HDAC1: variants seen among roughly 807,000 people sequenced by gnomAD.
The protein encoded by HDAC1 is histone deacetylase 1, also known as protein deacetylase HDAC1.
In HDAC1, 18 loss-of-function variants were observed where a neutral mutation model predicts 65.5. That is an observed-to-expected ratio of 0.27 (90% confidence interval 0.19 to 0.41). HDAC1 has a LOEUF of 0.41. Among genes scored for constraint, HDAC1 ranks in the 10% least tolerant of loss-of-function variants. The pLI is 1.00. For missense variants in HDAC1, 373 were observed against 625.2 expected, an observed-to-expected ratio of 0.60 and a Z score of 4.30; for synonymous variants, 211 against 227.9, an observed-to-expected ratio of 0.93 and a Z score of 0.67.
intron 1 of HDAC1, among the ~76,000 whole-genome samples, chr1:32,293,541 G>A (rs902577675): frequency 6.6e-6 from 1 of 151,860 alleles, no homozygotes; most frequent in Non-Finnish European, 1.5e-5. Context: ...GCTGAGGCAG[G>A]CAGATCACTC....
In HDAC1 at chr1:32,330,850, C is replaced by T. The variant is rs780243739; in HGVS notation, c.921C>T (p.Asn307=). ...MLGGGGYTIR[N]VARCWTYETA... Reference sequence around the variant, plus strand: ...GAGGCGGTGGTTACACCATTCGTAACGTTGCCCGGTGCTGGACATATGAGA... The same window carrying T: ...GAGGCGGTGGTTACACCATTCGTAATGTTGCCCGGTGCTGGACATATGAGA... Residue 307 remains asparagine, a synonymous_variant, in exon 9 of 14, where the codon AAC becomes AAT. Coordinates refer to ENST00000373548, the MANE Select transcript of HDAC1 (RefSeq NM_004964.3). This position sits in a 1 kb window ranked among gnomAD's most constrained non-coding sequence, Gnocchi z 4.2. 50 of 1,613,968 alleles carry T rather than the reference C, an allele frequency of 3.1e-5. No homozygotes were observed. The highest frequency in any genetic ancestry group is 3.5e-5 in the Non-Finnish European group (41 of 1,179,992).
At chr1:32,312,485 G>T (rs918273871) in intron 2 of HDAC1, among the ~76,000 whole-genome samples, 1 of 149,068 alleles carries the variant, frequency 6.7e-6, no homozygotes, top group African/African-American at 2.5e-5. Flanking sequence ...TCAGCCTCCC[G>T]AGTAGCTGGG....
chr1:32,300,655 G>C (rs763212035), intron 1 of HDAC1, among the ~76,000 whole-genome samples: 5 of 152,198 alleles, frequency 3.3e-5, no homozygotes, highest in Non-Finnish European at 7.3e-5. Flanking sequence ...AAAGGGTTTG[G>C]AGCTTGAGGT....
At position 32,307,184 on chromosome 1, in the gene HDAC1, G is replaced by T. The variant is rs527287111; in HGVS notation, c.162+4451G>T. The stretch of plus-strand genomic sequence containing the variant: ...CATTTGAACCTGGGAGGCAGAGGTT[G>T]CAGTGAGCTGAGATCTCACCATTGC... On this transcript the variant is annotated intron_variant, in intron 2 of 13. Coordinates refer to ENST00000373548, the MANE Select transcript of HDAC1 (RefSeq NM_004964.3). Among the ~76,000 whole-genome samples the T allele has an allele frequency of 4.6e-5, 7 of 152,274 alleles. No individual in the cohort carries two copies. The East Asian group carries it at 1.3e-3, about 29-fold the overall frequency.
rs139067731 is a variant in HDAC1 at position 32,316,681 on chromosome 1, A to G, written c.179A>G (p.Asn60Ser). Residue 60 changes from asparagine (N) to serine (S), a missense_variant, in exon 3 of 14, where the codon AAT becomes AGT. Asn to Ser is a conservative substitution (Grantham distance 46). This residue lies in a region of HDAC1 where 80 missense variants were observed against 126.3 expected (regional missense o/e 0.63). Coordinates refer to ENST00000373548, the MANE Select transcript of HDAC1 (RefSeq NM_004964.3). ...KMEIYRPHKA[N>S]AEEMTKYHSD... ...GCCCTCTAGCGCCCTCACAAAGCCAATGCTGAGGAGATGACCAAGTACCAC... is the reference window on the plus strand; with the variant it reads ...GCCCTCTAGCGCCCTCACAAAGCCAGTGCTGAGGAGATGACCAAGTACCAC... The G allele has an allele frequency of 1.3e-5, 21 of 1,612,660 alleles. No homozygotes were observed. Among genetic ancestry groups the G allele is most frequent in the South Asian group, 3.3e-5 (3 of 91,058 alleles).
At chr1:32,320,705 G>T (rs1031005024) in intron 3 of HDAC1, among the ~76,000 whole-genome samples, 5 of 151,634 alleles carry the variant, frequency 3.3e-5, no homozygotes, top group Admixed American at 6.6e-5. Flanking sequence ...TTTGAGACCA[G>T]CCTGGCCAGC....
At chr1:32,323,806 G>A (rs975923188) in intron 3 of HDAC1, among the ~76,000 whole-genome samples, 23 of 152,160 alleles carry the variant, frequency 1.5e-4, no homozygotes, top group Admixed American at 1.0e-3. Flanking sequence ...CGTGTTGTAC[G>A]TGCGCAGTGA....
chr1:32,332,383 C>A, intron 12 of HDAC1, 141 bp downstream of exon 12: 1 of 778,014 alleles, frequency 1.3e-6, no homozygotes, highest in Non-Finnish European at 2.1e-6. Flanking sequence ...CAGTGGCTCC[C>A]AGAAGTGGCA....
chr1:32,295,046 T>A (rs1640749577), intron 1 of HDAC1, among the ~76,000 whole-genome samples: 1 of 152,130 alleles, frequency 6.6e-6, no homozygotes, highest in African/African-American at 2.4e-5. Context: ...AGGCATCCAG[T>A]AGGCAGTTTA....
At chr1:32,304,028 A>G (rs1640881623) in intron 2 of HDAC1, among the ~76,000 whole-genome samples, 1 of 152,196 alleles carries the variant, frequency 6.6e-6, no homozygotes, top group Non-Finnish European at 1.5e-5. Context: ...AATGAAAGAG[A>G]GATAGGAACG....
chr1:32,316,366 C>T (rs1641064385), intron 2 of HDAC1, among the ~76,000 whole-genome samples: 1 of 152,190 alleles, frequency 6.6e-6, no homozygotes, highest in African/African-American at 2.4e-5. Flanking sequence ...CTCAACTTCC[C>T]TGTGTGGTCT....
intron 3 of HDAC1, among the ~76,000 whole-genome samples, chr1:32,320,393 T>C (rs1641124307): frequency 6.6e-6 from 1 of 152,072 alleles, no homozygotes; most frequent in African/African-American, 2.4e-5. Flanking sequence ...ACCTAATATT[T>C]AGCAAGTGAA....
intron 2 of HDAC1, among the ~76,000 whole-genome samples, chr1:32,303,658 C>A (rs545739759): frequency 6.6e-6 from 1 of 151,984 alleles, no homozygotes; most frequent in Non-Finnish European, 1.5e-5. Flanking sequence ...GTAAAATCTC[C>A]TAGGTTTAAA....
intron 1 of HDAC1, among the ~76,000 whole-genome samples, chr1:32,296,705 G>C (rs1275133151): frequency 6.6e-6 from 1 of 152,176 alleles, no homozygotes; most frequent in Admixed American, 6.6e-5. Context: ...AGGGAAGCTT[G>C]TGTGAGGTAG....
At chr1:32,300,597 C>A (rs1372695277) in intron 1 of HDAC1, among the ~76,000 whole-genome samples, 3 of 151,826 alleles carry the variant, frequency 2.0e-5, no homozygotes, top group Admixed American at 6.6e-5. Context: ...TAATGAAGTG[C>A]TGTATACAAA....
At position 32,331,761 on chromosome 1, in the gene HDAC1, G is replaced by T; in HGVS notation, c.1174G>T (p.Glu392Ter). 1 of 1,614,054 alleles carries T rather than the reference G, an allele frequency of 6.2e-7. No homozygotes were observed. The highest frequency in any genetic ancestry group is 1.3e-5 in the African/African-American group (1 of 75,008). Residue 392 changes from glutamate to a stop codon, truncating the protein, a stop_gained, in exon 11 of 14, where the codon GAG becomes TAG. Transcript: ENST00000373548. LOFTEE classifies it high-confidence loss of function. The surrounding 1 kb of genome is among the most constrained non-coding windows in gnomAD (Gnocchi z 4.2). ...GATTCCTGAGGACGCCATCCCTGAG[G>T]AGAGTGGCGATGAGGACGAAGACGA... ...QAIPEDAIPE[E>*]SGDEDEDDPD... is the part of the protein sequence containing the mutation.
At chr1:32,300,484 G>C (rs1291684750) in intron 1 of HDAC1, among the ~76,000 whole-genome samples, 1 of 151,932 alleles carries the variant, frequency 6.6e-6, no homozygotes, top group East Asian at 1.9e-4. Flanking sequence ...GAACCTGGGA[G>C]GCAGAGGTTG....
rs773477997 is a variant in HDAC1 at position 32,329,122 on chromosome 1, G to A, written c.691G>A (p.Gly231Arg). 4 of 1,613,054 alleles carry A rather than the reference G, an allele frequency of 2.5e-6. No individual in the cohort carries two copies. Among genetic ancestry groups the A allele is most frequent in the Admixed American group, 1.7e-5 (1 of 60,022 alleles). Reference sequence around the variant, plus strand: ...TGCTGTTAACTACCCGCTCCGAGACGGGATTGATGACGAGTCCTATGAGGC... The same window carrying A: ...TGCTGTTAACTACCCGCTCCGAGACAGGATTGATGACGAGTCCTATGAGGC... ...YYAVNYPLRDGIDDESYEAIF... is the reference protein window; with the variant it reads ...YYAVNYPLRDRIDDESYEAIF... The change falls in exon 7 of 14, where the codon GGG (glycine) becomes AGG (arginine). Residue 231 changes from glycine (G) to arginine (R), a missense_variant. By Grantham distance (125) the Gly-to-Arg change is moderately radical. Coordinates refer to ENST00000373548, the MANE Select transcript of HDAC1 (RefSeq NM_004964.3). The surrounding 1 kb of genome is among the most constrained non-coding windows in gnomAD (Gnocchi z 4.1).
At chr1:32,298,142 C>T (rs1345539885) in intron 1 of HDAC1, among the ~76,000 whole-genome samples, 3 of 140,034 alleles carry the variant, frequency 2.1e-5, no homozygotes, top group Non-Finnish European at 4.6e-5. Flanking sequence ...GGCTGGAGCG[C>T]AGTGGCGCAA....
Sources: allele counts gnomAD v4.1 joint callset (sites outside exome capture counted in the v4.1 genomes callset), GRCh38; gene constraint gnomAD v4.1.1; regional missense constraint gnomAD v4.1.1; non-coding constraint Gnocchi (gnomAD v3.1); transcripts MANE v1.5; gene names NCBI Gene and HGNC (gene_info 2026-07-23, HGNC 2026-07-21).